SPSB4: variants seen among roughly 807,000 people sequenced by gnomAD.
SPSB4 encodes the protein splA/ryanodine receptor domain and SOCS box containing 4.
SPSB4 carries 21 observed loss-of-function variants against 20.9 expected under a neutral mutation model. The ratio of observed to expected loss-of-function variants is 1.01; its 90% confidence interval spans 0.71 to 1.45. The LOEUF (loss-of-function observed/expected upper bound fraction) is 1.45, where lower values mean the gene tolerates loss of function less well. Ranked by LOEUF, SPSB4 falls within the 40% of genes most tolerant of loss-of-function variation. SPSB4 has a pLI of 0.00. For missense variants in SPSB4, 399 were observed against 399.2 expected, an observed-to-expected ratio of 1.00 and a Z score of 0.00; for synonymous variants, 207 against 183.8, an observed-to-expected ratio of 1.13 and a Z score of -1.02.
chr3:141,056,624 A>G (rs1937643332), intron 1 of SPSB4, among the ~76,000 whole-genome samples: 1 of 152,234 alleles, frequency 6.6e-6, no homozygotes, highest in African/African-American at 2.4e-5. Context: ...TTGGGAGGTA[A>G]ATGAGGGATT....
At chr3:141,103,976 A>G (rs1938651282) in intron 2 of SPSB4, among the ~76,000 whole-genome samples, 1 of 152,256 alleles carries the variant, frequency 6.6e-6, no homozygotes, top group Non-Finnish European at 1.5e-5. Flanking sequence ...GTCACTTAAA[A>G]GGACCATTGA....
intron 2 of SPSB4, among the ~76,000 whole-genome samples, chr3:141,138,674 G>A (rs1170423541): frequency 2.6e-5 from 4 of 152,258 alleles, no homozygotes; most frequent in Admixed American, 6.5e-5. Flanking sequence ...CTGAGTTCTA[G>A]TTTGATTGCA....
At chr3:141,062,155 C>T (rs1021469293) in intron 1 of SPSB4, among the ~76,000 whole-genome samples, 1 of 152,114 alleles carries the variant, frequency 6.6e-6, no homozygotes, top group African/African-American at 2.4e-5. Flanking sequence ...GATGACCTTG[C>T]CGGTTAGGTC....
At chr3:141,134,018 C>CTT (rs1228757184) in intron 2 of SPSB4, among the ~76,000 whole-genome samples, 3 of 56,476 alleles carry the variant, frequency 5.3e-5, no homozygotes, top group Admixed American at 1.5e-4. Flanking sequence ...AGTATTTTTC[C>CTT]TTTTTTTTTT....
At chr3:141,135,163 A>T (rs992594622) in intron 2 of SPSB4, among the ~76,000 whole-genome samples, 2 of 151,940 alleles carry the variant, frequency 1.3e-5, no homozygotes, top group African/African-American at 4.8e-5. Context: ...AATTTTGTAT[A>T]AGTTGAGTAA....
intron 2 of SPSB4, among the ~76,000 whole-genome samples, chr3:141,131,014 GA>G (rs1576541345): frequency 6.6e-6 from 1 of 152,292 alleles, no homozygotes; most frequent in East Asian, 1.9e-4. Context: ...GGCATTTGTA[GA>G]ACCACAATAA....
At chr3:141,072,542 A>G (rs1346524149) in intron 2 of SPSB4, among the ~76,000 whole-genome samples, 1 of 152,100 alleles carries the variant, frequency 6.6e-6, no homozygotes, top group Non-Finnish European at 1.5e-5. Flanking sequence ...CTCTCTTACC[A>G]TGTGACACAC....
At chr3:141,140,661 C>T (rs1308211638) in intron 2 of SPSB4, among the ~76,000 whole-genome samples, 2 of 152,180 alleles carry the variant, frequency 1.3e-5, no homozygotes, top group East Asian at 1.9e-4. Flanking sequence ...TGGTGAACCG[C>T]AAATGCTGCT....
At chr3:141,113,584 T>C (rs964600271) in intron 2 of SPSB4, among the ~76,000 whole-genome samples, 3 of 152,230 alleles carry the variant, frequency 2.0e-5, no homozygotes, top group Non-Finnish European at 4.4e-5. Flanking sequence ...ATATTCCATA[T>C]TCATATTCTG....
At chr3:141,099,453 T>C (rs1214439496) in intron 2 of SPSB4, among the ~76,000 whole-genome samples, 1 of 152,252 alleles carries the variant, frequency 6.6e-6, no homozygotes, top group South Asian at 2.1e-4. Context: ...AGATTGCTTA[T>C]AAGTAATATT....
At chr3:141,123,826 C>T (rs1438301247) in intron 2 of SPSB4, among the ~76,000 whole-genome samples, 1 of 152,216 alleles carries the variant, frequency 6.6e-6, no homozygotes, top group East Asian at 1.9e-4. Context: ...CCCCACCTGA[C>T]ACTCTCCCCA....
At chr3:141,057,614 G>A (rs1937679255) in intron 1 of SPSB4, among the ~76,000 whole-genome samples, 1 of 152,162 alleles carries the variant, frequency 6.6e-6, no homozygotes, top group Admixed American at 6.5e-5. Context: ...CCGATGGGAG[G>A]GAGGCAGCCA....
At chr3:141,060,166 T>C (rs1331745942) in intron 1 of SPSB4, among the ~76,000 whole-genome samples, 2 of 152,178 alleles carry the variant, frequency 1.3e-5, no homozygotes, top group Non-Finnish European at 2.9e-5. Context: ...TTTGAGACTA[T>C]GATTGCAAAG....
intron 2 of SPSB4, among the ~76,000 whole-genome samples, chr3:141,137,522 T>G (rs1274979285): frequency 6.6e-6 from 1 of 152,196 alleles, no homozygotes; most frequent in African/African-American, 2.4e-5. Context: ...AATACCTAAT[T>G]TATTGAGAGT....
intron 2 of SPSB4, among the ~76,000 whole-genome samples, chr3:141,099,180 T>C (rs1938582680): frequency 6.6e-6 from 1 of 151,154 alleles, no homozygotes; most frequent in South Asian, 2.1e-4. Flanking sequence ...AATGGGATAA[T>C]ATGACTTTTT....
rs1304467216 is a variant in SPSB4 at position 141,051,367 on chromosome 3, C to G, written c.-779C>G. On this transcript the variant is annotated 5_prime_UTR_variant, in exon 1 of 3. Coordinates refer to ENST00000310546, the MANE Select transcript of SPSB4 (RefSeq NM_080862.3). Reference sequence around the variant, plus strand: ...CAGCCAGATCGGCTTTCAGCTGCAGCCTCCGGGCCGGCCGGGAAGGCGGGG... The same window carrying G: ...CAGCCAGATCGGCTTTCAGCTGCAGGCTCCGGGCCGGCCGGGAAGGCGGGG... 1 of 154,634 alleles carries G rather than the reference C, an allele frequency of 6.5e-6. No individual in the cohort carries two copies. The allele number at this position is 154,634 out of a possible 1,614,324, so 9.6% of individuals were successfully genotyped here.
In SPSB4 at chr3:141,098,574, A is replaced by G. The variant is rs144932611; in HGVS notation, c.694+31776A>G. On this transcript the variant is annotated intron_variant, in intron 2 of 2. Transcript: ENST00000310546. ...AGCCTATCTTTCATTGTATTTCCTA[A>G]CTTGCTATTTGTCTAGAAGGAAGCT... Among the ~76,000 whole-genome samples the G allele has an allele frequency of 2.6e-3, 388 of 152,122 alleles. 1 individual carries two copies. Among genetic ancestry groups the G allele is most frequent in the Admixed American group, 5.3e-3 (81 of 15,282 alleles).
intron 1 of SPSB4, among the ~76,000 whole-genome samples, chr3:141,056,018 G>A (rs967188750): frequency 5.9e-5 from 9 of 152,332 alleles, no homozygotes; most frequent in Admixed American, 3.9e-4. Context: ...GAGAGAGAGA[G>A]TGAAAAGCGG....
Position 141,143,038 on chromosome 3 carries a change from C to A in SPSB4, c.695-4104C>A, listed in dbSNP as rs12489115. Among the ~76,000 whole-genome samples the A allele has an allele frequency of 2.7e-3, 410 of 151,828 alleles. 2 individuals are homozygous for A. The highest frequency in any genetic ancestry group is 8.7e-3 in the African/African-American group (360 of 41,396). ...TCACCGTGTTAGCCAGGATGGTCTCCATCTCCTGACTTTGTGATCTGCCCA... is the reference window on the plus strand; with the variant it reads ...TCACCGTGTTAGCCAGGATGGTCTCAATCTCCTGACTTTGTGATCTGCCCA... On this transcript the variant is annotated intron_variant, in intron 2 of 2. Coordinates refer to ENST00000310546, the MANE Select transcript of SPSB4 (RefSeq NM_080862.3).
Sources: gnomAD v4.1 joint callset for allele counts (sites outside exome capture counted in the v4.1 genomes callset) on GRCh38, gnomAD v4.1.1 for gene constraint, MANE v1.5 for transcripts, NCBI Gene and HGNC (gene_info 2026-07-23, HGNC 2026-07-21) for gene names.